The following PHLPP1 variants were observed in gnomAD, a reference collection of about 807,000 sequenced individuals.
PHLPP1 encodes PH domain and leucine rich repeat protein phosphatase 1.
A neutral mutation model predicts 117.2 loss-of-function variants in PHLPP1; 42 were observed. That is an observed-to-expected ratio of 0.36 (90% CI 0.28 to 0.46). PHLPP1 has a LOEUF of 0.46. Ranked by LOEUF, PHLPP1 falls within the 20% of genes least tolerant of loss-of-function variation. The pLI is 1.00. For missense variants in PHLPP1, 2,084 were observed against 2,241.9 expected (o/e 0.93, Z 1.42); for synonymous variants, 1,042 against 970.7 (o/e 1.07, Z -1.37).
At chr18:62,764,939 CT>C (rs2144254766) in intron 1 of PHLPP1, among the ~76,000 whole-genome samples, 1 of 152,354 alleles carries the variant, frequency 6.6e-6, no homozygotes, top group African/African-American at 2.4e-5. Flanking sequence ...TGTCGTCGTT[CT>C]TTTCCAGTGT....
intron 12 of PHLPP1, among the ~76,000 whole-genome samples, chr18:62,954,314 T>C (rs1428522287): frequency 1.3e-5 from 2 of 152,258 alleles, no homozygotes; most frequent in African/African-American, 4.8e-5. Context: ...AGTCGTGTTT[T>C]AGCCAGATTT....
chr18:62,721,148 T>G (rs1424197492), intron 1 of PHLPP1, among the ~76,000 whole-genome samples: 3 of 152,182 alleles, frequency 2.0e-5, no homozygotes, highest in Non-Finnish European at 2.9e-5. Context: ...CAAAGTGGTA[T>G]TTCTTGTGAA....
chr18:62,928,138 T>A (rs973214849), intron 10 of PHLPP1, among the ~76,000 whole-genome samples: 1 of 152,132 alleles, frequency 6.6e-6, no homozygotes, highest in Non-Finnish European at 1.5e-5. Context: ...ATCTAAGTTA[T>A]AGAAAACTGT....
At position 62,715,819 on chromosome 18, in the gene PHLPP1, G is replaced by C; in HGVS notation, c.136G>C (p.Gly46Arg). The C allele has an allele frequency of 1.3e-6, 1 of 753,024 alleles. No homozygotes were observed. Among genetic ancestry groups the C allele is most frequent in the Non-Finnish European group, 1.6e-6 (1 of 614,328 alleles). 46.6% of individuals were successfully genotyped at this position (753,024 alleles called of 1,614,324 possible). The change falls in exon 1 of 17, where the codon GGG becomes CGG. Residue 46 changes from glycine (G) to arginine (R), a missense_variant. By Grantham distance (125) the Gly-to-Arg change is moderately radical. Around this residue, in one of 2 missense-constraint regions of PHLPP1, gnomAD observed 719 missense variants for 636.0 expected, o/e 1.13. Transcript: ENST00000262719. ...CGCGGCGGCTCTGGCGGCGGCGGCC[G>C]GGGGCGGCCGGAGTCCGGAGCCCGC... ...AAAAALAAAA[G>R]GGRSPEPALT... is the part of the protein sequence containing the mutation.
chr18:62,725,575 C>G (rs530969447), intron 1 of PHLPP1, among the ~76,000 whole-genome samples: 1 of 152,066 alleles, frequency 6.6e-6, no homozygotes, highest in African/African-American at 2.4e-5. Flanking sequence ...ATTTGGAAGT[C>G]TTTATCAGAA....
intron 9 of PHLPP1, among the ~76,000 whole-genome samples, chr18:62,917,128 C>T: frequency 6.7e-6 from 1 of 150,132 alleles, no homozygotes. Context: ...TCCAAGTTCT[C>T]TGTTTTGCTG....
At chr18:62,926,051 T>C (rs897414367) in intron 10 of PHLPP1, among the ~76,000 whole-genome samples, 1 of 152,212 alleles carries the variant, frequency 6.6e-6, no homozygotes, top group African/African-American at 2.4e-5. Context: ...ACATCCCCTC[T>C]CTGCTTTTTA....
rs34065978 is a variant in PHLPP1 at position 62,918,429 on chromosome 18, A to AAT, written c.2805-1513_2805-1512dup. On this transcript the variant is annotated intron_variant, in intron 9 of 16. Transcript: ENST00000262719. Reference sequence around the variant, plus strand: ...TTAGTTATTTATGTGGTAAAGGATAAATATATATATATATATATGATGAAC... The same window carrying AAT: ...TTAGTTATTTATGTGGTAAAGGATAAATATATATATATATATATATGATGAAC... 1.6e-3 allele frequency among the ~76,000 whole-genome samples: 221 copies of AAT among 140,472 alleles called. 2 individuals are homozygous for AAT. The highest frequency in any genetic ancestry group is 7.4e-3 in the South Asian group (33 of 4,472). 92.2% of individuals were successfully genotyped at this position (140,472 alleles called of 152,430 possible).
intron 4 of PHLPP1, among the ~76,000 whole-genome samples, chr18:62,892,762 A>G (rs3098975): frequency 0.66 from 99,548 of 150,450 alleles, 33,369 homozygotes; most frequent in Non-Finnish European, 0.71. Flanking sequence ...TGTAGTCCCA[A>G]CTACTTGGGA....
intron 14 of PHLPP1, among the ~76,000 whole-genome samples, chr18:62,966,013 T>A (rs914794237): frequency 6.6e-6 from 1 of 152,104 alleles, no homozygotes; most frequent in African/African-American, 2.4e-5. Flanking sequence ...TTTTTCATAA[T>A]AAATAGAGGC....
In PHLPP1 at chr18:62,920,106, G is replaced by C; in HGVS notation, c.2952G>C (p.Lys984Asn). The C allele has an allele frequency of 1.2e-6, 2 of 1,613,518 alleles. No homozygotes were observed. The highest frequency in any genetic ancestry group is 1.3e-5 in the African/African-American group (1 of 75,020). Residue 984 changes from lysine to asparagine, a missense_variant, in exon 10 of 17, where the codon AAG (lysine) becomes AAC (asparagine). Coordinates refer to ENST00000262719, the MANE Select transcript of PHLPP1 (RefSeq NM_194449.4). Reference protein sequence around the residue: ...LLELPPNLLMKADSLRFLNAS... With the variant: ...LLELPPNLLMNADSLRFLNAS... ...AGCTCCCACCTAACCTTCTGATGAAGGCTGACAGGTAAAGCCATTTGTCTT... is the reference window on the plus strand; with the variant it reads ...AGCTCCCACCTAACCTTCTGATGAACGCTGACAGGTAAAGCCATTTGTCTT...
chr18:62,974,834 T>TTA (rs139442574), intron 15 of PHLPP1, among the ~76,000 whole-genome samples: 2,114 of 152,278 alleles, frequency 0.014, 58 homozygotes, highest in African/African-American at 0.048. Context: ...AGAAAGTCTT[T>TTA]ACTATATAGG....
At chr18:62,864,854 T>C (rs1915732078) in intron 4 of PHLPP1, among the ~76,000 whole-genome samples, 1 of 152,174 alleles carries the variant, frequency 6.6e-6, no homozygotes, top group African/African-American at 2.4e-5. Context: ...TTAGTCTAAA[T>C]TGCAGGAAAA....
At chr18:62,951,570 C>T (rs1421502683) in intron 12 of PHLPP1, among the ~76,000 whole-genome samples, 2 of 152,124 alleles carry the variant, frequency 1.3e-5, no homozygotes, top group Non-Finnish European at 2.9e-5. Flanking sequence ...AGTGCACTCA[C>T]GCACCCAGAA....
At chr18:62,929,618 G>A (rs1909747802) in intron 10 of PHLPP1, among the ~76,000 whole-genome samples, 1 of 152,098 alleles carries the variant, frequency 6.6e-6, no homozygotes, top group African/African-American at 2.4e-5. Context: ...AAAGAGGGTG[G>A]AAGACTAATA....
chr18:62,773,596 G>A (rs977758524), intron 1 of PHLPP1, among the ~76,000 whole-genome samples: 14 of 152,244 alleles, frequency 9.2e-5, no homozygotes, highest in African/African-American at 3.1e-4. Flanking sequence ...TATTTTTGGG[G>A]TGAGGGGGAT....
intron 9 of PHLPP1, among the ~76,000 whole-genome samples, chr18:62,915,980 A>G (rs1458066016): frequency 1.3e-5 from 2 of 152,230 alleles, no homozygotes; most frequent in Non-Finnish European, 2.9e-5. Flanking sequence ...AGTCAGAAAC[A>G]TCAGTGAAAA....
chr18:62,719,403 T>A (rs1288263364), intron 1 of PHLPP1, among the ~76,000 whole-genome samples: 1 of 152,218 alleles, frequency 6.6e-6, no homozygotes, highest in Non-Finnish European at 1.5e-5. Flanking sequence ...TCCACTTGAA[T>A]TTTTGCAAAG....
intron 1 of PHLPP1, among the ~76,000 whole-genome samples, chr18:62,755,124 A>T (rs1911972293): frequency 6.6e-6 from 1 of 152,188 alleles, no homozygotes; most frequent in Non-Finnish European, 1.5e-5. Context: ...TTTTGTAGGA[A>T]GTAGAGGTTT....
Sources: allele counts gnomAD v4.1 joint callset (sites outside exome capture counted in the v4.1 genomes callset), GRCh38; gene constraint gnomAD v4.1.1; regional missense constraint gnomAD v4.1.1; transcripts MANE v1.5; gene names NCBI Gene and HGNC (gene_info 2026-07-23, HGNC 2026-07-21).